Variants in TXNRD2 observed in about 807,000 individuals in gnomAD.
The protein encoded by TXNRD2 is thioredoxin reductase 2, mitochondrial.
A neutral mutation model predicts 70.8 loss-of-function variants in TXNRD2; 67 were observed. That is an observed-to-expected ratio of 0.95 (90% CI 0.78 to 1.16). The LOEUF (loss-of-function observed/expected upper bound fraction) is 1.16, where lower values mean the gene tolerates loss of function less well. Ranked by LOEUF, TXNRD2 falls within the 50% of genes most tolerant of loss-of-function variation. TXNRD2 has a pLI of 0.00. For missense variants in TXNRD2, 644 were observed against 719.9 expected, an observed-to-expected ratio of 0.89 and a Z score of 1.21; for synonymous variants, 301 against 295.8, an observed-to-expected ratio of 1.02 and a Z score of -0.18.
rs189657774 is a variant in TXNRD2, at chr22:19,937,750, G to T, written c.103+3951C>A. On this transcript the variant is annotated intron_variant, in intron 1 of 17. Coordinates refer to ENST00000400521, the MANE Select transcript of TXNRD2 (RefSeq NM_006440.5). ...GCGGCCAAGCCGGCTCAACAAACAC[G>T]GCCAAATGCTCCTGCTACTGTTTGC... is the stretch of plus-strand genomic sequence containing the variant. 3.3e-3 allele frequency among the ~76,000 whole-genome samples: 495 copies of T among 152,238 alleles called. 4 individuals carry two copies. The highest frequency in any genetic ancestry group is 3.5e-3 in the Non-Finnish European group (241 of 68,014).
chr22:19,909,742 CCA>C (rs1386946142), intron 8 of TXNRD2, among the ~76,000 whole-genome samples: 51 of 136,672 alleles, frequency 3.7e-4, no homozygotes, highest in African/African-American at 1.1e-3. Context: ...CACACACACA[CCA>C]CACACACCCA....
intron 8 of TXNRD2, among the ~76,000 whole-genome samples, chr22:19,902,384 C>A (rs372154156): frequency 2.0e-5 from 3 of 152,176 alleles, no homozygotes; most frequent in Non-Finnish European, 2.9e-5. Flanking sequence ...TTCAGGCCCA[C>A]GAAGCCTAGG....
intron 2 of TXNRD2, among the ~76,000 whole-genome samples, chr22:19,924,497 T>A (rs1332930603): frequency 6.6e-6 from 1 of 152,122 alleles, no homozygotes; most frequent in Non-Finnish European, 1.5e-5. Context: ...ACAGCTGAGC[T>A]TCCCCTCTGT....
intron 1 of TXNRD2, among the ~76,000 whole-genome samples, chr22:19,937,643 G>A (rs73880021): frequency 0.042 from 6,354 of 152,164 alleles, 139 homozygotes; most frequent in South Asian, 0.1. Context: ...AAACTGGCTC[G>A]ACTGATTCTT....
intron 1 of TXNRD2, chr22:19,932,342 G>A (rs1273580138): frequency 6.2e-7 from 1 of 1,612,582 alleles, no homozygotes; most frequent in Admixed American, 1.7e-5. Flanking sequence ...TGGGCTGGTT[G>A]TGGTGTCGCC....
At chr22:19,897,751 G>A (rs1355453722) in intron 10 of TXNRD2, among the ~76,000 whole-genome samples, 13 of 152,190 alleles carry the variant, frequency 8.5e-5, no homozygotes, top group Admixed American at 7.9e-4. Flanking sequence ...GGGACGACCC[G>A]GAGGGTGACC....
chr22:19,903,710 C>T (rs371237401), intron 8 of TXNRD2, among the ~76,000 whole-genome samples: 31 of 152,324 alleles, frequency 2.0e-4, no homozygotes, highest in Middle Eastern at 3.4e-3. Flanking sequence ...GGATCCCGAC[C>T]CCCAGTGCCT....
chr22:19,877,248 A>G lies in TXNRD2; in HGVS notation c.1446-14T>C, dbSNP rs778583264. 4.4e-6 allele frequency: 7 copies of G among 1,577,166 alleles called. No individual in the cohort carries two copies. In the Admixed American group the frequency reaches 6.8e-5, roughly 15 times the overall value. Reference sequence around the variant, plus strand: ...GAAGCCCCACACCTGCACATGGGGGATGGGGGAGGCAGGCGGGGTCAGCAC... The same window carrying G: ...GAAGCCCCACACCTGCACATGGGGGGTGGGGGAGGCAGGCGGGGTCAGCAC... On this transcript the variant is annotated splice_polypyrimidine_tract_variant and intron_variant, in intron 16 of 17. Transcript: ENST00000400521.
At chr22:19,890,176 T>TGTCTCAGGAGCAGCAGCGCACGCCCGGG (rs1939204285) in intron 11 of TXNRD2, among the ~76,000 whole-genome samples, 3 of 152,162 alleles carry the variant, frequency 2.0e-5, no homozygotes, top group African/African-American at 7.2e-5. Context: ...CCAACAGTGC[T>TGTCTCAGGAGCAGCAGCGCACGCCCGGG]GTCTCAGGAG....
intron 2 of TXNRD2, among the ~76,000 whole-genome samples, chr22:19,922,149 C>T (rs1329919673): frequency 1.3e-5 from 2 of 152,054 alleles, no homozygotes; most frequent in Admixed American, 6.5e-5. Context: ...GAAAATACAC[C>T]TATAAAGGGG....
In TXNRD2 at chr22:19,932,160, C is replaced by CAA. The variant is rs35254160; in HGVS notation, c.104-1064_104-1063dup. Among the ~76,000 whole-genome samples, 13 of 80,948 alleles carry CAA rather than the reference C, an allele frequency of 1.6e-4. 1 individual carries two copies. In the South Asian group the frequency reaches 1.8e-3, roughly 11 times the overall value. 53.1% of individuals were successfully genotyped at this position (80,948 alleles called of 152,430 possible). The stretch of plus-strand genomic sequence containing the variant: ...TGGGAGACAGAGTGAGACTCCGTCT[C>CAA]AAAAAAAAAAAAAAAAAAAAGAATA... On this transcript the variant is annotated intron_variant, in intron 1 of 17. Transcript: ENST00000400521.
At position 19,933,417 on chromosome 22, in the gene TXNRD2, G is replaced by A. The variant is rs74397767; in HGVS notation, c.104-2319C>T. The A allele has an allele frequency of 2.1e-3, 2,735 of 1,287,230 alleles. 30 individuals carry two copies. In the African/African-American group the frequency reaches 0.034, roughly 16 times the overall value. The allele number at this position is 1,287,230 out of a possible 1,614,324, so 79.7% of individuals were successfully genotyped here. A position where few individuals can be genotyped will look rare whatever the true frequency, so the allele number is the denominator to read the frequency against. ...CAGCTGCCTGGTAGCCGGAAGCTTT[G>A]CTCAGAACGTCCCTACCTTCCATGG... On this transcript the variant is annotated intron_variant, in intron 1 of 17. Transcript: ENST00000400521.
intron 1 of TXNRD2, among the ~76,000 whole-genome samples, chr22:19,941,257 G>A (rs1178970184): frequency 7.2e-5 from 11 of 152,166 alleles, no homozygotes; most frequent in South Asian, 2.1e-4. Context: ...TTAGTTAACT[G>A]TTCTTCAGGG....
chr22:19,918,903 G>A lies in TXNRD2; in HGVS notation c.331C>T (p.Pro111Ser). Residue 111 changes from proline to serine, a missense_variant, in exon 4 of 18, where the codon CCC (proline) becomes TCC (serine). Around this residue, in one of 3 missense-constraint regions of TXNRD2, gnomAD observed 566 missense variants for 645.0 expected, o/e 0.88. Coordinates refer to ENST00000400521, the MANE Select transcript of TXNRD2 (RefSeq NM_006440.5). ...TGGGCCACCTCCCAGCCATAGTTGG[G>A]GGCATCTTGGATCAGGCCTCCCAGC... ...ALLGGLIQDA[P>S]NYGWEVAQPV... 1 of 1,612,574 alleles carries A rather than the reference G, an allele frequency of 6.2e-7. No homozygotes were observed. The highest frequency in any genetic ancestry group is 8.5e-7 in the Non-Finnish European group (1 of 1,179,948).
intron 15 of TXNRD2, 79 bp downstream of exon 15, chr22:19,878,287 G>C: frequency 1.3e-6 from 2 of 1,595,090 alleles, no homozygotes; most frequent in Non-Finnish European, 1.7e-6. Context: ...GGTGGGGCCA[G>C]TCCTCGGGTG....
In TXNRD2 at chr22:19,929,005, C is replaced by CAAAA. The variant is rs376971304; in HGVS notation, c.172+2021_172+2024dup. On this transcript the variant is annotated intron_variant, in intron 2 of 17. Transcript: ENST00000400521. ...TGGGTGACAAAGCAAGACTCGCTTG[C>CAAAA]AAAAAAAAAAAAGAGGTAGTTAAGT... 2.3e-4 allele frequency among the ~76,000 whole-genome samples: 28 copies of CAAAA among 122,694 alleles called. No individual in the cohort carries two copies. In the East Asian group the frequency reaches 2.7e-3, roughly 12 times the overall value. The allele number at this position is 122,694 out of a possible 152,430, so 80.5% of individuals were successfully genotyped here. A position where few individuals can be genotyped will look rare whatever the true frequency, so the allele number is the denominator to read the frequency against.
At chr22:19,882,680 A>T (rs1938834485) in intron 12 of TXNRD2, among the ~76,000 whole-genome samples, 1 of 152,224 alleles carries the variant, frequency 6.6e-6, no homozygotes, top group South Asian at 2.1e-4. Flanking sequence ...CAGGTGCTGG[A>T]CACATGCAGG....
chr22:19,941,603 C>T (rs1259401208), intron 1 of TXNRD2, 98 bp downstream of exon 1: 1 of 1,349,274 alleles, frequency 7.4e-7, no homozygotes, highest in East Asian at 3.1e-5. Flanking sequence ...CGTGGGCACC[C>T]CCACGGGGAC....
intron 1 of TXNRD2, among the ~76,000 whole-genome samples, chr22:19,933,121 C>T (rs1244582828): frequency 2.6e-5 from 4 of 152,242 alleles, no homozygotes; most frequent in African/African-American, 9.6e-5. Flanking sequence ...AACCCACCCA[C>T]TCTTTCACCT....
Sources: allele counts gnomAD v4.1 joint callset (sites outside exome capture counted in the v4.1 genomes callset), GRCh38; gene constraint gnomAD v4.1.1; regional missense constraint gnomAD v4.1.1; transcripts MANE v1.5; gene names NCBI Gene and HGNC (gene_info 2026-07-23, HGNC 2026-07-21).